MS4A3: variants seen among roughly 807,000 people sequenced by gnomAD.
MS4A3 encodes the protein membrane spanning 4-domains A3.
In MS4A3, 18 loss-of-function variants were observed where a neutral mutation model predicts 24.7. The observed-to-expected ratio is 0.73, with a 90% confidence interval of 0.50 to 1.08. The LOEUF (loss-of-function observed/expected upper bound fraction) is 1.08. MS4A3 is among the 50% of genes least tolerant of loss of function. The probability of loss-of-function intolerance (pLI) is 0.00; values close to 1 mark genes in which losing one functional copy is unlikely to be tolerated. For synonymous variants in MS4A3, 84 were observed against 95.3 expected, an observed-to-expected ratio of 0.88 and a Z score of 0.69; for missense variants, 282 against 251.7, an observed-to-expected ratio of 1.12 and a Z score of -0.82.
At chr11:60,060,981 C>T in intron 1 of MS4A3, 165 bp from the exon 2 acceptor site, 2 of 524,102 alleles carry the variant, frequency 3.8e-6, no homozygotes, top group Non-Finnish European at 6.3e-6. Flanking sequence ...CAAGGCAAGA[C>T]AGAATTGAAT....
chr11:60,064,157 G>A lies in MS4A3; in HGVS notation c.295-105G>A, dbSNP rs923081154. 4.6e-6 allele frequency: 3 copies of A among 652,460 alleles called. No individual in the cohort carries two copies. The African/African-American group carries it at 5.5e-5, about 12-fold the overall frequency. The allele number at this position is 652,460 out of a possible 1,614,324, so 40.4% of individuals were successfully genotyped here. A position where few individuals can be genotyped will look rare whatever the true frequency, so the allele number is the denominator to read the frequency against. ...CCTAGGATGTGAATTTAAAAGGGAG[G>A]TTTGTATGACTATTGCTGGATATCT... On this transcript the variant is annotated intron_variant, in intron 3 of 6. Coordinates refer to ENST00000278865, the MANE Select transcript of MS4A3 (RefSeq NM_006138.5).
Position 60,062,625 on chromosome 11 carries a change from T to G in MS4A3, c.294+20T>G. 1 of 1,613,284 alleles carries G rather than the reference T, an allele frequency of 6.2e-7. No individual in the cohort carries two copies. Among genetic ancestry groups the G allele is most frequent in the South Asian group, 1.1e-5 (1 of 90,926 alleles). On this transcript the variant is annotated intron_variant, in intron 3 of 6. Transcript: ENST00000278865. ...GTGTTTGTGAGTATTCGTACTCCCC[T>G]GGCTATATGTTATTTCTTAGATACC...
chr11:60,062,519 G>C lies in MS4A3; in HGVS notation c.208G>C (p.Gly70Arg). ...AMILALGVFL[G>R]SLQYPYHFQK... is the part of the protein sequence containing the mutation. ...GATTCTGGCTTTGGGTGTCTTTCTG[G>C]GTTCCTTGCAATACCCATACCACTT... The change falls in exon 3 of 7, where the codon GGT becomes CGT. Residue 70 changes from glycine to arginine, a missense_variant. Transcript: ENST00000278865. 1.2e-6 allele frequency: 2 copies of C among 1,614,014 alleles called. No homozygotes were observed. Among genetic ancestry groups the C allele is most frequent in the Non-Finnish European group, 1.7e-6 (2 of 1,179,976 alleles).
At chr11:60,068,416 T>G (rs1855411529) in intron 5 of MS4A3, among the ~76,000 whole-genome samples, 1 of 150,382 alleles carries the variant, frequency 6.6e-6, no homozygotes, top group African/African-American at 2.4e-5. Context: ...ATTGTTTTTT[T>G]TTTTTTTTTG....
intron 2 of MS4A3, 94 bp downstream of exon 2, chr11:60,061,410 C>T: frequency 7.0e-7 from 1 of 1,434,046 alleles, no homozygotes; most frequent in Non-Finnish European, 9.5e-7. Flanking sequence ...TGAGGATTCC[C>T]TTACATGTGG....
At chr11:60,067,409 G>C (rs1192470383) in intron 5 of MS4A3, among the ~76,000 whole-genome samples, 1 of 151,786 alleles carries the variant, frequency 6.6e-6, no homozygotes, top group Non-Finnish European at 1.5e-5. Context: ...TAGAGACGGG[G>C]TTTTACCGTG....
At chr11:60,057,068 C>T (rs910686448) in intron 1 of MS4A3, among the ~76,000 whole-genome samples, 3 of 152,076 alleles carry the variant, frequency 2.0e-5, no homozygotes, top group African/African-American at 4.8e-5. Flanking sequence ...GGGGTGGTCT[C>T]GATATGCCTG....
chr11:60,059,711 C>G (rs1288464116), intron 1 of MS4A3, among the ~76,000 whole-genome samples: 3 of 152,164 alleles, frequency 2.0e-5, no homozygotes, highest in Non-Finnish European at 4.4e-5. Context: ...AAGACATGAT[C>G]TCATTCCTTT....
At chr11:60,065,739 T>A (rs189139290) in intron 4 of MS4A3, among the ~76,000 whole-genome samples, 75 of 152,336 alleles carry the variant, frequency 4.9e-4, no homozygotes, top group African/African-American at 1.8e-3. Flanking sequence ...GCTTCCAGCA[T>A]ACATTGCTTG....
chr11:60,062,593 G>A lies in MS4A3; in HGVS notation c.282G>A (p.Trp94Ter), dbSNP rs369632970. The change falls in exon 3 of 7, where the codon TGG (tryptophan) becomes TGA (stop). Residue 94 changes from tryptophan (W) to a stop codon, truncating the protein, a stop_gained. Coordinates refer to ENST00000278865, the MANE Select transcript of MS4A3 (RefSeq NM_006138.5). LOFTEE classifies it high-confidence loss of function. ...FFTFYTGYPI[W>*]GAVFFCSSGT... Reference sequence around the variant, plus strand: ...CCTTCTACACAGGCTACCCGATTTGGGGTGCTGTGTTTGTGAGTATTCGTA... The same window carrying A: ...CCTTCTACACAGGCTACCCGATTTGAGGTGCTGTGTTTGTGAGTATTCGTA... The A allele has an allele frequency of 2.5e-6, 4 of 1,613,954 alleles. No individual in the cohort carries two copies. Among genetic ancestry groups the A allele is most frequent in the Non-Finnish European group, 3.4e-6 (4 of 1,179,968 alleles).
At chr11:60,068,171 T>C (rs1212907161) in intron 5 of MS4A3, among the ~76,000 whole-genome samples, 2 of 152,062 alleles carry the variant, frequency 1.3e-5, no homozygotes, top group Non-Finnish European at 2.9e-5. Context: ...CTTGAAGTTT[T>C]GAAGGACTGC....
intron 1 of MS4A3, among the ~76,000 whole-genome samples, chr11:60,059,228 A>G (rs977148812): frequency 6.6e-6 from 1 of 152,226 alleles, no homozygotes; most frequent in Non-Finnish European, 1.5e-5. Context: ...TAAATTTGTC[A>G]TCACACTTAA....
At chr11:60,063,424 G>A (rs1855309078) in intron 3 of MS4A3, among the ~76,000 whole-genome samples, 1 of 152,130 alleles carries the variant, frequency 6.6e-6, no homozygotes, top group South Asian at 2.1e-4. Context: ...TTTAAAAAGT[G>A]AATGATATGT....
rs1193714930 is a variant in MS4A3, at chr11:60,070,981, CT to C, written c.*749del. 5 of 152,190 alleles carry C rather than the reference CT, an allele frequency of 3.3e-5. No individual in the cohort carries two copies. Among genetic ancestry groups the C allele is most frequent in the Non-Finnish European group, 7.3e-5 (5 of 68,046 alleles). The allele number at this position is 152,190 out of a possible 1,614,324, so 9.4% of individuals were successfully genotyped here. ...AAATTCTGAAACTGTCACTTATTAC[CT>C]GTATGAACATGGGCAAATTATCTAA... On this transcript the variant is annotated 3_prime_UTR_variant, in exon 7 of 7. Coordinates refer to ENST00000278865, the MANE Select transcript of MS4A3 (RefSeq NM_006138.5).
chr11:60,063,888 G>A (rs969911398), intron 3 of MS4A3, among the ~76,000 whole-genome samples: 20 of 152,062 alleles, frequency 1.3e-4, no homozygotes, highest in African/African-American at 4.8e-4. Context: ...AGGAGGTGAG[G>A]GATAAAAGGC....
In MS4A3 at chr11:60,070,216, C is replaced by T; in HGVS notation, c.628C>T (p.Pro210Ser). ...TTTTATTTTCTAGGAAATTTCCTCACCTCCCAATTCTGTGTAATCAAGAAT... is the reference window on the plus strand; with the variant it reads ...TTTTATTTTCTAGGAAATTTCCTCATCTCCCAATTCTGTGTAATCAAGAAT... ...CCNSREEISS[P>S]PNSV The change falls in exon 7 of 7, where the codon CCT becomes TCT. Residue 210 changes from proline to serine, a missense_variant. Transcript: ENST00000278865. The T allele has an allele frequency of 6.2e-7, 1 of 1,602,334 alleles. No homozygotes were observed.
At chr11:60,057,733 A>G (rs1295761392) in intron 1 of MS4A3, among the ~76,000 whole-genome samples, 1 of 152,140 alleles carries the variant, frequency 6.6e-6, no homozygotes, top group Non-Finnish European at 1.5e-5. Context: ...AAAATAAATA[A>G]CTGATTTAAC....
chr11:60,063,965 A>G (rs1373725219), intron 3 of MS4A3, among the ~76,000 whole-genome samples: 1 of 152,134 alleles, frequency 6.6e-6, no homozygotes, highest in Non-Finnish European at 1.5e-5. Flanking sequence ...ATTACCACTA[A>G]AGAACTTATC....
At chr11:60,062,893 G>A (rs1429969370) in intron 3 of MS4A3, among the ~76,000 whole-genome samples, 2 of 152,124 alleles carry the variant, frequency 1.3e-5, no homozygotes, top group Non-Finnish European at 2.9e-5. Flanking sequence ...CCCAGTTCAA[G>A]TGATTCTCTT....
Sources: gnomAD v4.1 joint callset for allele counts (sites outside exome capture counted in the v4.1 genomes callset) on GRCh38, gnomAD v4.1.1 for gene constraint, MANE v1.5 for transcripts, NCBI Gene and HGNC (gene_info 2026-07-23, HGNC 2026-07-21) for gene names.